The following DENND4A variants were observed in gnomAD, a reference collection of about 807,000 sequenced individuals.
DENND4A encodes the protein DENN domain containing 4A, also known as C-myc promoter-binding protein.
DENND4A carries 70 observed loss-of-function variants against 199.3 expected under a neutral mutation model. The ratio of observed to expected loss-of-function variants is 0.35; its 90% CI spans 0.29 to 0.43. DENND4A has a LOEUF of 0.43. DENND4A is among the 20% of genes least tolerant of loss of function. The probability of loss-of-function intolerance (pLI) is 1.00; values close to 1 mark genes in which losing one functional copy is unlikely to be tolerated. For missense variants in DENND4A, 1,723 were observed against 2,255.8 expected (o/e 0.76, Z 4.78); for synonymous variants, 686 against 766.9 (o/e 0.89, Z 1.74).
chr15:65,685,318 G>A (rs1049765150), intron 23 of DENND4A, among the ~76,000 whole-genome samples: 2 of 152,132 alleles, frequency 1.3e-5, no homozygotes, highest in South Asian at 2.1e-4. Context: ...AGTAGACACG[G>A]GGTTTCACTG....
In DENND4A at chr15:65,684,319, T is replaced by C. The variant is rs2076679514; in HGVS notation, c.4179+6096A>G. ...ATTGTTTTCCAAAGTGGCTGTACCA[T>C]TTTACATTCCCAACCAAAAAAGTAT... On this transcript the variant is annotated intron_variant, in intron 23 of 32. Transcript: ENST00000443035. Among the ~76,000 whole-genome samples the C allele has an allele frequency of 2.6e-5, 4 of 152,178 alleles. No homozygotes were observed. In the South Asian group the frequency reaches 8.3e-4, roughly 31 times the overall value.
At chr15:65,696,701 T>G in intron 21 of DENND4A, 1 of 352,572 alleles carries the variant, frequency 2.8e-6, no homozygotes, top group Non-Finnish European at 5.2e-6. Flanking sequence ...TACTGAATAC[T>G]GATCATGCAT....
intron 1 of DENND4A, among the ~76,000 whole-genome samples, chr15:65,773,704 C>T (rs2077203135): frequency 6.6e-6 from 1 of 152,160 alleles, no homozygotes; most frequent in African/African-American, 2.4e-5. Context: ...AAAAGGAAGA[C>T]TGGTCACTTT....
intron 4 of DENND4A, among the ~76,000 whole-genome samples, chr15:65,746,762 G>A (rs922316044): frequency 9.3e-5 from 14 of 151,228 alleles, no homozygotes; most frequent in African/African-American, 3.4e-4. Flanking sequence ...TGTGGAAAGA[G>A]TATTTAAAAA....
intron 23 of DENND4A, among the ~76,000 whole-genome samples, chr15:65,686,832 T>C (rs374979237): frequency 6.6e-5 from 10 of 151,448 alleles, no homozygotes; most frequent in Admixed American, 3.3e-4. Context: ...TAGGACTACA[T>C]AGGTATGTGC....
intron 14 of DENND4A, among the ~76,000 whole-genome samples, chr15:65,714,189 A>G (rs1429275029): frequency 6.6e-6 from 1 of 152,102 alleles, no homozygotes; most frequent in African/African-American, 2.4e-5. Flanking sequence ...AGGCGGGCAG[A>G]TCACGAGGTC....
intron 1 of DENND4A, among the ~76,000 whole-genome samples, chr15:65,789,680 C>G (rs762081506): frequency 2.0e-5 from 3 of 152,108 alleles, no homozygotes; most frequent in Admixed American, 6.6e-5. Context: ...CCTAGAACAA[C>G]GCACCATCAA....
intron 4 of DENND4A, among the ~76,000 whole-genome samples, chr15:65,749,004 AAAC>A (rs1396115484): frequency 2.0e-5 from 3 of 151,852 alleles, no homozygotes; most frequent in African/African-American, 7.3e-5. Flanking sequence ...AAAAAAAAAA[AAAC>A]AAAAAGAAAA....
At chr15:65,705,716 A>G (rs1410229318) in intron 15 of DENND4A, among the ~76,000 whole-genome samples, 1 of 152,180 alleles carries the variant, frequency 6.6e-6, no homozygotes, top group Non-Finnish European at 1.5e-5. Context: ...AACCAAGGCT[A>G]TATTAATCAA....
intron 1 of DENND4A, among the ~76,000 whole-genome samples, chr15:65,783,075 C>G (rs2077474249): frequency 6.6e-6 from 1 of 151,324 alleles, no homozygotes; most frequent in African/African-American, 2.4e-5. Context: ...ATATAATTAC[C>G]ATGTAATTTA....
chr15:65,770,031 G>A (rs2077091006), intron 1 of DENND4A, among the ~76,000 whole-genome samples: 1 of 151,866 alleles, frequency 6.6e-6, no homozygotes, highest in African/African-American at 2.4e-5. Flanking sequence ...ATGGTGAATA[G>A]ATTTTAGCTC....
At chr15:65,788,310 T>C (rs2077622596) in intron 1 of DENND4A, among the ~76,000 whole-genome samples, 1 of 152,004 alleles carries the variant, frequency 6.6e-6, no homozygotes, top group South Asian at 2.1e-4. Context: ...CTCCTGACCT[T>C]GCGATCCGCC....
At chr15:65,705,740 T>C (rs1567026591) in intron 15 of DENND4A, among the ~76,000 whole-genome samples, 1 of 151,782 alleles carries the variant, frequency 6.6e-6, no homozygotes, top group African/African-American at 2.4e-5. Context: ...GTGTATGAGA[T>C]GAAAAGAGGA....
intron 15 of DENND4A, among the ~76,000 whole-genome samples, chr15:65,703,800 G>T (rs574819927): frequency 6.6e-6 from 1 of 152,320 alleles, no homozygotes; most frequent in South Asian, 2.1e-4. Context: ...CCAGTGAACA[G>T]CCACTGCACT....
chr15:65,778,872 T>G (rs1596689449), intron 1 of DENND4A, among the ~76,000 whole-genome samples: 2 of 135,886 alleles, frequency 1.5e-5, no homozygotes, highest in African/African-American at 2.8e-5. Context: ...CCAGCCCGGG[T>G]GACACAACGA....
intron 11 of DENND4A, among the ~76,000 whole-genome samples, chr15:65,728,160 G>A (rs957442166): frequency 2.6e-5 from 4 of 151,712 alleles, no homozygotes; most frequent in South Asian, 4.2e-4. Flanking sequence ...CTGCCACCAC[G>A]TCCAGCTAAT....
chr15:65,729,458 T>G (rs961988788), intron 10 of DENND4A, 76 bp downstream of exon 10: 1 of 1,506,164 alleles, frequency 6.6e-7, no homozygotes, highest in Non-Finnish European at 8.9e-7. Flanking sequence ...TTAAGTTATA[T>G]TAAAATGGCT....
In DENND4A at chr15:65,659,949, A is replaced by C. The variant is rs1392938440; in HGVS notation, c.*1902T>G. On this transcript the variant is annotated 3_prime_UTR_variant, in exon 33 of 33. Transcript: ENST00000443035. ...TTGTATTACACAAAAAGTAAACAAC[A>C]ATGAAAGCTGTTTTTAAAAGAATAA... 1 of 203,144 alleles carries C rather than the reference A, an allele frequency of 4.9e-6. No homozygotes were observed. The highest frequency in any genetic ancestry group is 9.9e-6 in the Non-Finnish European group (1 of 100,870). The allele number at this position is 203,144 out of a possible 1,614,324, so 12.6% of individuals were successfully genotyped here.
At chr15:65,683,471 A>G (rs1448395154) in intron 23 of DENND4A, among the ~76,000 whole-genome samples, 1 of 152,168 alleles carries the variant, frequency 6.6e-6, no homozygotes, top group African/African-American at 2.4e-5. Context: ...AGAACCATAA[A>G]TCATTAATTT....
Sources: gnomAD v4.1 joint callset for allele counts (sites outside exome capture counted in the v4.1 genomes callset) on GRCh38, gnomAD v4.1.1 for gene constraint, MANE v1.5 for transcripts, NCBI Gene and HGNC (gene_info 2026-07-23, HGNC 2026-07-21) for gene names.